The following SLC4A5 variants were observed in gnomAD, a reference collection of about 807,000 sequenced individuals.
SLC4A5 encodes solute carrier family 4 member 5, also known as electrogenic sodium bicarbonate cotransporter 4.
A neutral mutation model predicts 120.4 loss-of-function variants in SLC4A5; 96 were observed. That is an observed-to-expected ratio of 0.80 (90% CI 0.68 to 0.94). The LOEUF is 0.94. Among genes scored for constraint, SLC4A5 ranks in the 40% least tolerant of loss-of-function variants. The pLI, the probability that SLC4A5 is intolerant of heterozygous loss-of-function variation, is 0.00. For missense variants in SLC4A5, 1,259 were observed against 1,459.5 expected, an observed-to-expected ratio of 0.86 and a Z score of 2.24; for synonymous variants, 550 against 571.1, an observed-to-expected ratio of 0.96 and a Z score of 0.53.
chr2:74,232,792 G>A (rs1209499450), intron 23 of SLC4A5, 145 bp from the exon 24 acceptor site: 1 of 1,013,846 alleles, frequency 9.9e-7, no homozygotes, highest in African/African-American at 1.6e-5. Context: ...AAGGATTGCA[G>A]AGGTGGGTGT....
In SLC4A5 at chr2:74,255,176, A is replaced by G. The variant is rs977391726; in HGVS notation, c.1026-470T>C. 1.3e-5 allele frequency among the ~76,000 whole-genome samples: 2 copies of G among 151,700 alleles called. No homozygotes were observed. ...AACCCTATGTTTGCTTTGGAGGAAC[A>G]TTTCCTCTTCCCCTCCCATGAGGCT... On this transcript the variant is annotated intron_variant, in intron 13 of 30. Coordinates refer to ENST00000394019, the Ensembl canonical transcript of SLC4A5. The surrounding 1 kb of genome is among the most constrained non-coding windows in gnomAD (Gnocchi z 4.0).
chr2:74,332,660 G>C (rs969319017), intron 4 of SLC4A5, among the ~76,000 whole-genome samples: 3 of 152,062 alleles, frequency 2.0e-5, no homozygotes, highest in African/African-American at 7.3e-5. Flanking sequence ...TCTTCAGTGG[G>C]AGAGAGAAAA....
intron 20 of SLC4A5, among the ~76,000 whole-genome samples, chr2:74,240,511 G>T (rs114045789): frequency 1.3e-5 from 2 of 152,148 alleles, no homozygotes; most frequent in Non-Finnish European, 2.9e-5. Context: ...GCATATAATA[G>T]GGATTCAGAA....
chr2:74,296,840 C>T (rs191573542), intron 7 of SLC4A5, among the ~76,000 whole-genome samples: 2 of 149,034 alleles, frequency 1.3e-5, no homozygotes, highest in East Asian at 2.0e-4. Flanking sequence ...ATGTTTGAAA[C>T]GTGGCCTGCC....
At chr2:74,294,436 T>A (rs1672267207) in intron 7 of SLC4A5, among the ~76,000 whole-genome samples, 1 of 151,910 alleles carries the variant, frequency 6.6e-6, no homozygotes, top group Non-Finnish European at 1.5e-5. Context: ...TCACCAAGAG[T>A]CTTCAATTTG....
intron 7 of SLC4A5, among the ~76,000 whole-genome samples, chr2:74,292,890 A>G (rs1002735572): frequency 1.2e-4 from 18 of 152,166 alleles, no homozygotes; most frequent in Admixed American, 9.2e-4. Flanking sequence ...TTGTGAGGTC[A>G]GGGCCTATCT....
At chr2:74,277,230 G>A (rs1014040902) in intron 8 of SLC4A5, among the ~76,000 whole-genome samples, 3 of 152,192 alleles carry the variant, frequency 2.0e-5, no homozygotes, top group South Asian at 2.1e-4. Flanking sequence ...GAGATGCTGG[G>A]TGGGGGGCTC....
intron 7 of SLC4A5, among the ~76,000 whole-genome samples, chr2:74,293,814 C>T (rs773902512): frequency 6.6e-6 from 1 of 152,206 alleles, no homozygotes; most frequent in Non-Finnish European, 1.5e-5. Flanking sequence ...AATCATGAGT[C>T]CCCTTTGTAT....
chr2:74,233,424 T>C lies in SLC4A5; in HGVS notation c.2573A>G (p.Asn858Ser), dbSNP rs1476739955. 3.1e-6 allele frequency: 5 copies of C among 1,614,214 alleles called. No individual in the cohort carries two copies. The highest frequency in any genetic ancestry group is 1.6e-4 in the Middle Eastern group (1 of 6,062). The change falls in exon 23 of 31, where the codon AAC becomes AGC. Residue 858 changes from asparagine to serine, a missense_variant. By Grantham distance (46) the Asn-to-Ser change is conservative. Coordinates refer to ENST00000394019, the Ensembl canonical transcript of SLC4A5. Reference sequence around the variant, plus strand: ...TACCTTCAGTTTGTTCTCCTTCCGGTTGACAATGACGGCAGTGATCTGCTG... The same window carrying C: ...TACCTTCAGTTTGTTCTCCTTCCGGCTGACAATGACGGCAGTGATCTGCTG...
intron 19 of SLC4A5, 109 bp from the exon 20 acceptor site, chr2:74,242,161 T>C: frequency 1.0e-6 from 1 of 999,924 alleles, no homozygotes; most frequent in Admixed American, 2.2e-5. Context: ...AGGCCTGGCT[T>C]CCATTGTGAG....
chr2:74,260,922 T>C (rs1053970402), intron 11 of SLC4A5, among the ~76,000 whole-genome samples: 8 of 152,218 alleles, frequency 5.3e-5, no homozygotes, highest in Non-Finnish European at 1.2e-4. Flanking sequence ...TCCTGTGAAC[T>C]GGACTAATGT....
At chr2:74,220,554 TTG>T (rs1694594699) in intron 30 of SLC4A5, among the ~76,000 whole-genome samples, 1 of 152,176 alleles carries the variant, frequency 6.6e-6, no homozygotes, top group Non-Finnish European at 1.5e-5. Flanking sequence ...TCTTGCTCTG[TTG>T]CCCAGGCTGG....
At chr2:74,272,781 T>C (rs1671517084) in intron 8 of SLC4A5, among the ~76,000 whole-genome samples, 1 of 152,218 alleles carries the variant, frequency 6.6e-6, no homozygotes. Flanking sequence ...TTAGAGGACA[T>C]TGCTGTTCAA....
intron 8 of SLC4A5, among the ~76,000 whole-genome samples, chr2:74,284,617 G>A (rs1404243673): frequency 6.6e-6 from 1 of 152,084 alleles, no homozygotes; most frequent in Non-Finnish European, 1.5e-5. Context: ...CTTCCTGTCC[G>A]AAGGTCCCTC....
intron 23 of SLC4A5, 35 bp from the exon 24 acceptor site, chr2:74,232,682 T>C (rs372375798): frequency 2.3e-4 from 363 of 1,604,060 alleles, no homozygotes; most frequent in Middle Eastern, 1.0e-3. Flanking sequence ...GAGAAGTTTC[T>C]GGGGAGCCAG....
At chr2:74,235,065 C>A (rs750386314) in intron 22 of SLC4A5, 36 bp downstream of exon 22, 2 of 1,515,264 alleles carry the variant, frequency 1.3e-6, no homozygotes, top group Non-Finnish European at 1.8e-6. Flanking sequence ...GGTAGGCAGG[C>A]AGACTGGATG....
chr2:74,291,508 C>T (rs774905821), intron 7 of SLC4A5, among the ~76,000 whole-genome samples: 1 of 152,318 alleles, frequency 6.6e-6, no homozygotes, highest in South Asian at 2.1e-4. Flanking sequence ...CCCCCTAGGC[C>T]CCAACACAGG....
At chr2:74,298,228 G>A (rs906770088) in intron 7 of SLC4A5, among the ~76,000 whole-genome samples, 4 of 152,164 alleles carry the variant, frequency 2.6e-5, no homozygotes, top group African/African-American at 4.8e-5. Flanking sequence ...AGACAGGCAC[G>A]TGGACCAAGG....
intron 8 of SLC4A5, among the ~76,000 whole-genome samples, chr2:74,269,246 G>C (rs1051054616): frequency 6.6e-6 from 1 of 151,612 alleles, no homozygotes; most frequent in Non-Finnish European, 1.5e-5. Flanking sequence ...CACTCTCATC[G>C]CCCAGGCTGG....
Sources: allele counts gnomAD v4.1 joint callset (sites outside exome capture counted in the v4.1 genomes callset), GRCh38; gene constraint gnomAD v4.1.1; non-coding constraint Gnocchi (gnomAD v3.1); transcripts MANE v1.5; gene names NCBI Gene and HGNC (gene_info 2026-07-23, HGNC 2026-07-21).